Variants in CYP3A43 observed in about 807,000 individuals in gnomAD.
The protein encoded by CYP3A43 is cytochrome P450 3A43.
In CYP3A43, 45 loss-of-function variants were observed where a neutral mutation model predicts 58.0. That is an observed-to-expected ratio of 0.78 (90% CI 0.61 to 0.99). The LOEUF (loss-of-function observed/expected upper bound fraction) is 0.99, where lower values mean the gene tolerates loss of function less well. Among genes scored for constraint, CYP3A43 ranks in the 50% least tolerant of loss-of-function variants. The pLI is 0.00. For synonymous variants in CYP3A43, 191 were observed against 201.4 expected (o/e 0.95, Z 0.44); for missense variants, 593 against 591.9 (o/e 1.00, Z -0.02).
chr7:99,848,375 G>A, intron 6 of CYP3A43, 121 bp downstream of exon 6: 1 of 1,017,438 alleles, frequency 9.8e-7, no homozygotes, highest in Non-Finnish European at 1.5e-6. Context: ...CTGTGGTGTT[G>A]CAACTCCAAT....
intron 1 of CYP3A43, among the ~76,000 whole-genome samples, chr7:99,833,744 C>G (rs901419765): frequency 2.0e-5 from 3 of 152,214 alleles, no homozygotes; most frequent in African/African-American, 7.2e-5. Context: ...CGGAGCTGAG[C>G]TTTTTCTTCT....
intron 1 of CYP3A43, among the ~76,000 whole-genome samples, chr7:99,833,440 A>T (rs1816928367): frequency 1.3e-5 from 2 of 152,198 alleles, no homozygotes; most frequent in African/African-American, 4.8e-5. Context: ...ACGTTTTGTG[A>T]CTTGAGTTTA....
intron 3 of CYP3A43, among the ~76,000 whole-genome samples, chr7:99,841,148 T>C (rs888906423): frequency 6.6e-6 from 1 of 152,344 alleles, no homozygotes; most frequent in Middle Eastern, 3.4e-3. Flanking sequence ...TTTTGGAATT[T>C]GGTAGCTGAG....
intron 11 of CYP3A43, among the ~76,000 whole-genome samples, chr7:99,862,127 C>T (rs1818261940): frequency 6.6e-6 from 1 of 152,192 alleles, no homozygotes; most frequent in African/African-American, 2.4e-5. Flanking sequence ...CTGCTTACTT[C>T]ATTTCAAAGT....
At chr7:99,862,129 T>A in intron 11 of CYP3A43, among the ~76,000 whole-genome samples, 1 of 152,248 alleles carries the variant, frequency 6.6e-6, no homozygotes, top group Non-Finnish European at 1.5e-5. Flanking sequence ...GCTTACTTCA[T>A]TTCAAAGTAA....
intron 7 of CYP3A43, among the ~76,000 whole-genome samples, chr7:99,854,825 A>G (rs1182770538): frequency 2.0e-5 from 3 of 151,648 alleles, no homozygotes; most frequent in Admixed American, 1.3e-4. Flanking sequence ...TGGTTACTTA[A>G]AAGTGTATTG....
chr7:99,842,888 C>T (rs192443460), intron 3 of CYP3A43, among the ~76,000 whole-genome samples: 36 of 152,188 alleles, frequency 2.4e-4, no homozygotes, highest in Non-Finnish European at 4.3e-4. Flanking sequence ...CCTCCTTCCC[C>T]CCATGAACCA....
intron 1 of CYP3A43, among the ~76,000 whole-genome samples, chr7:99,832,634 T>C (rs1212944086): frequency 1.3e-5 from 2 of 151,592 alleles, no homozygotes; most frequent in African/African-American, 4.9e-5. Context: ...GGCACATATA[T>C]ACATATGTAA....
intron 1 of CYP3A43, among the ~76,000 whole-genome samples, chr7:99,834,532 G>A (rs1054994404): frequency 6.6e-6 from 1 of 152,190 alleles, no homozygotes; most frequent in Non-Finnish European, 1.5e-5. Context: ...GTCAGCAGCT[G>A]ATATGCCTGT....
rs747638726 is a variant in CYP3A43 at position 99,861,810 on chromosome 7, G to A, written c.1224G>A (p.Trp408Ter). ...IYALHHDPKY[W>*]TEPEKFCPER... ...CTCTTCACCATGACCCAAAGTACTG[G>A]ACAGAGCCTGAGAAGTTCTGCCCTG... is the stretch of plus-strand genomic sequence containing the variant. The change falls in exon 11 of 13, where the codon TGG becomes TGA. Residue 408 changes from tryptophan to a stop codon, truncating the protein, a stop_gained. Transcript: ENST00000354829. LOFTEE classifies it high-confidence loss of function. 1.2e-6 allele frequency: 2 copies of A among 1,614,058 alleles called. No homozygotes were observed. Among genetic ancestry groups the A allele is most frequent in the Admixed American group, 3.3e-5 (2 of 60,026 alleles).
At position 99,828,035 on chromosome 7, in the gene CYP3A43, C is replaced by T. The variant is rs45577236; in HGVS notation, c.-81C>T. ...ATCACCTCTGGGCAGAGAAACAAAG[C>T]TCTATATGCACAGCCCAGCAAAGAG... On this transcript the variant is annotated 5_prime_UTR_variant, in exon 1 of 13. Transcript: ENST00000354829. 3.9e-3 allele frequency: 4,384 copies of T among 1,122,582 alleles called. 110 individuals are homozygous for T. In the African/African-American group the frequency reaches 0.057, roughly 15 times the overall value. 69.5% of individuals were successfully genotyped at this position (1,122,582 alleles called of 1,614,324 possible). A position where few individuals can be genotyped will look rare whatever the true frequency, so the allele number is the denominator to read the frequency against.
Position 99,859,972 on chromosome 7 carries a change from C to T in CYP3A43, c.1008C>T (p.Asp336=), listed in dbSNP as rs147154757. ...AGCAGAAACTGCAGGAGGAGATTGA[C>T]GCAGTTTTACCCAATAAGGTAAGGG... ...DVQQKLQEEI[D]AVLPNKAPVT... is the part of the protein sequence containing the mutation. Residue 336 remains aspartate, a synonymous_variant, in exon 10 of 13, where the codon GAC becomes GAT. Coordinates refer to ENST00000354829, the MANE Select transcript of CYP3A43 (RefSeq NM_057095.3). 42 of 1,607,230 alleles carry T rather than the reference C, an allele frequency of 2.6e-5. No individual in the cohort carries two copies. The highest frequency in any genetic ancestry group is 1.7e-4 in the Middle Eastern group (1 of 6,042).
At position 99,859,545 on chromosome 7, in the gene CYP3A43, TCTCTTTGAAAGTTACCCAG is replaced by T. The variant is rs1818137016; in HGVS notation, c.866-282_866-264del. ...CACTGAGTATGTTAGACAGAAATGC[TCTCTTTGAAAGTTACCCAG>T]CTGTGCAGCTGGTGGGGATGGTATG... On this transcript the variant is annotated intron_variant, in intron 9 of 12. Transcript: ENST00000354829. 2.0e-5 allele frequency among the ~76,000 whole-genome samples: 3 copies of T among 152,126 alleles called. No homozygotes were observed. The South Asian group carries it at 6.2e-4, about 32-fold the overall frequency.
At chr7:99,844,571 C>A (rs1817469217) in intron 4 of CYP3A43, among the ~76,000 whole-genome samples, 1 of 152,192 alleles carries the variant, frequency 6.6e-6, no homozygotes, top group African/African-American at 2.4e-5. Context: ...CAGATCTGTT[C>A]TAGCACCAGG....
chr7:99,859,856 C>T lies in CYP3A43; in HGVS notation c.892C>T (p.Gln298Ter). The stretch of plus-strand genomic sequence containing the variant: ...TCTGTCTGATCTGGAGCTTGTGGCC[C>T]AGTCAATTATCATCATTTTTGCTGC... ...KALSDLELVA[Q>*]SIIIIFAAYD... The change falls in exon 10 of 13, where the codon CAG (glutamine) becomes TAG (stop). Residue 298 changes from glutamine (Q) to a stop codon, truncating the protein, a stop_gained. Transcript: ENST00000354829. LOFTEE classifies it high-confidence loss of function. 6.2e-7 allele frequency: 1 copy of T among 1,614,126 alleles called. No individual in the cohort carries two copies. Among genetic ancestry groups the T allele is most frequent in the East Asian group, 2.2e-5 (1 of 44,884 alleles).
At chr7:99,849,291 T>G (rs1817654674) in intron 6 of CYP3A43, among the ~76,000 whole-genome samples, 1 of 152,256 alleles carries the variant, frequency 6.6e-6, no homozygotes, top group Non-Finnish European at 1.5e-5. Context: ...TGTGTCTCCC[T>G]ATGACTGAGG....
chr7:99,850,617 C>T (rs1301082608), intron 7 of CYP3A43, among the ~76,000 whole-genome samples: 1 of 152,124 alleles, frequency 6.6e-6, no homozygotes, highest in Non-Finnish European at 1.5e-5. Context: ...TTTGGCCTCC[C>T]AAAGTTCTGG....
At chr7:99,839,770 G>A (rs1019711728) in intron 3 of CYP3A43, among the ~76,000 whole-genome samples, 9 of 152,194 alleles carry the variant, frequency 5.9e-5, no homozygotes, top group Admixed American at 6.5e-5. Flanking sequence ...AGATGAGCTT[G>A]AGGAGGCAGT....
intron 9 of CYP3A43, 71 bp downstream of exon 9, chr7:99,856,970 C>T: frequency 6.6e-7 from 1 of 1,511,608 alleles, no homozygotes; most frequent in Non-Finnish European, 9.0e-7. Flanking sequence ...TGAAAATGTG[C>T]AGAAAGTTTT....
Sources: gnomAD v4.1 joint callset for allele counts (sites outside exome capture counted in the v4.1 genomes callset) on GRCh38, gnomAD v4.1.1 for gene constraint, MANE v1.5 for transcripts, NCBI Gene and HGNC (gene_info 2026-07-23, HGNC 2026-07-21) for gene names.